Variants in PHIP observed in about 807,000 individuals in gnomAD.
The protein encoded by PHIP is PH-interacting protein.
Under a neutral mutation model 236.8 loss-of-function variants are expected in PHIP, and 54 were observed. That is an observed-to-expected ratio of 0.23 (90% confidence interval 0.18 to 0.29). The LOEUF is 0.29. Among genes scored for constraint, PHIP ranks in the 10% least tolerant of loss-of-function variants. The pLI is 1.00. For missense variants in PHIP, 1,370 were observed against 2,190.8 expected (o/e 0.63, Z 7.48); for synonymous variants, 756 against 718.9 (o/e 1.05, Z -0.83).
intron 23 of PHIP, 135 bp from the exon 24 acceptor site, chr6:78,978,846 G>A: frequency 1.7e-6 from 1 of 586,608 alleles, no homozygotes; most frequent in Non-Finnish European, 2.6e-6. Flanking sequence ...TATACAGTTG[G>A]CCCTGTGTAT....
intron 15 of PHIP, among the ~76,000 whole-genome samples, chr6:79,006,599 C>T (rs542769921): frequency 4.6e-5 from 7 of 151,940 alleles, no homozygotes; most frequent in Non-Finnish European, 8.8e-5. Context: ...GTATATAAGC[C>T]TATCATAAAA....
chr6:78,960,281 T>A (rs1766690390), intron 31 of PHIP, among the ~76,000 whole-genome samples: 1 of 152,156 alleles, frequency 6.6e-6, no homozygotes, highest in Non-Finnish European at 1.5e-5. Flanking sequence ...TTGGAAGACA[T>A]CAGCAGCTTA....
intron 9 of PHIP, 92 bp downstream of exon 9, chr6:79,025,427 A>C: frequency 1.4e-6 from 1 of 701,676 alleles, no homozygotes; most frequent in Non-Finnish European, 2.5e-6. Flanking sequence ...GAGAAAAAGT[A>C]AATGTATTCC....
At chr6:78,943,579 A>T (rs1773624450) in intron 39 of PHIP, among the ~76,000 whole-genome samples, 1 of 152,244 alleles carries the variant, frequency 6.6e-6, no homozygotes, top group African/African-American at 2.4e-5. Context: ...ATTAAAAATG[A>T]GTAAACACAT....
At chr6:79,025,430 T>C (rs1771350281) in intron 9 of PHIP, 89 bp downstream of exon 9, 4 of 716,638 alleles carry the variant, frequency 5.6e-6, no homozygotes, top group Admixed American at 4.7e-5. Flanking sequence ...AAAAAGTAAA[T>C]GTATTCCTAT....
At chr6:78,973,619 T>C (rs1341784769) in intron 24 of PHIP, among the ~76,000 whole-genome samples, 1 of 126,888 alleles carries the variant, frequency 7.9e-6, no homozygotes, top group Non-Finnish European at 1.6e-5. Context: ...CAGTGTGCTG[T>C]ATTCAGGAAA....
At chr6:78,960,096 G>T (rs1276826136) in intron 31 of PHIP, among the ~76,000 whole-genome samples, 2 of 152,008 alleles carry the variant, frequency 1.3e-5, no homozygotes, top group African/African-American at 4.8e-5. Flanking sequence ...TACATCACAA[G>T]CCCAGAAAAA....
chr6:79,023,608 T>C (rs887099415), intron 9 of PHIP, among the ~76,000 whole-genome samples: 3 of 151,872 alleles, frequency 2.0e-5, no homozygotes, highest in Non-Finnish European at 4.4e-5. Flanking sequence ...TATGGTAAAA[T>C]ATTAAGAAAA....
intron 13 of PHIP, 30 bp from the exon 14 acceptor site, chr6:79,015,813 T>A (rs1770809306): frequency 6.4e-7 from 1 of 1,562,140 alleles, no homozygotes; most frequent in Non-Finnish European, 8.7e-7. Context: ...TTACACTGAC[T>A]ATTAAAATAC....
chr6:78,956,037 C>T (rs1766396492), intron 32 of PHIP: 1 of 156,398 alleles, frequency 6.4e-6, no homozygotes, highest in African/African-American at 2.4e-5. Flanking sequence ...AAATTTTGTT[C>T]TTAACGCATC....
intron 4 of PHIP, among the ~76,000 whole-genome samples, chr6:79,069,419 A>C (rs1773783383): frequency 6.6e-6 from 1 of 151,932 alleles, no homozygotes; most frequent in African/African-American, 2.4e-5. Context: ...CAGAGTACTT[A>C]CTTTGTGCTG....
intron 6 of PHIP, among the ~76,000 whole-genome samples, chr6:79,053,922 C>T (rs1772929692): frequency 6.6e-6 from 1 of 151,980 alleles, no homozygotes; most frequent in Non-Finnish European, 1.5e-5. Flanking sequence ...CTATTAGTTA[C>T]AGAAGAAATT....
chr6:79,069,708 A>G (rs1773794833), intron 4 of PHIP, among the ~76,000 whole-genome samples: 1 of 152,126 alleles, frequency 6.6e-6, no homozygotes, highest in East Asian at 1.9e-4. Context: ...GTACAAGTCA[A>G]GTCCTCTAAC....
At chr6:79,052,931 A>G (rs1461869881) in intron 6 of PHIP, among the ~76,000 whole-genome samples, 1 of 152,216 alleles carries the variant, frequency 6.6e-6, no homozygotes, top group South Asian at 2.1e-4. Flanking sequence ...AGTTAAAAGC[A>G]TAAGATCTGA....
At chr6:79,077,647 G>A (rs1774247545) in intron 3 of PHIP, 53 bp downstream of exon 3, 1 of 931,224 alleles carries the variant, frequency 1.1e-6, no homozygotes, top group Non-Finnish European at 1.3e-6. Flanking sequence ...CGGCGCAGCG[G>A]CCCAGAGGCG....
rs140927271 is a variant in PHIP at position 79,056,878 on chromosome 6, A to G, written c.439+3600T>C. 1.2e-3 allele frequency among the ~76,000 whole-genome samples: 190 copies of G among 152,204 alleles called. 3 individuals carry two copies. In the East Asian group the frequency reaches 0.032, roughly 26 times the overall value. On this transcript the variant is annotated intron_variant, in intron 6 of 39. Transcript: ENST00000275034. ...TGCCAGATATAATTAGAGATATACA[A>G]TATTTACTCAGCGAGTGAATGAATA...
chr6:78,990,176 A>G (rs1459148739), intron 20 of PHIP, among the ~76,000 whole-genome samples: 2 of 152,164 alleles, frequency 1.3e-5, no homozygotes, highest in Non-Finnish European at 2.9e-5. Context: ...CTTGGACCTA[A>G]AAAGAAGTTT....
At position 79,016,608 on chromosome 6, in the gene PHIP, T is replaced by C. The variant is rs1191340911; in HGVS notation, c.1171A>G (p.Ile391Val). 6.2e-7 allele frequency: 1 copy of C among 1,611,944 alleles called. No individual in the cohort carries two copies. The highest frequency in any genetic ancestry group is 1.1e-5 in the South Asian group (1 of 90,972). The change falls in exon 13 of 40, where the codon ATT (isoleucine) becomes GTT (valine). Residue 391 changes from isoleucine to valine, a missense_variant. Physicochemically the swap from Ile to Val is conservative, Grantham distance 29. Around this residue, in one of 14 missense-constraint regions of PHIP, gnomAD observed 188 missense variants for 354.3 expected, o/e 0.53. Transcript: ENST00000275034. ...VSGSRDGTARIWQFKRREWKS... is the reference protein window; with the variant it reads ...VSGSRDGTARVWQFKRREWKS... ...CACTCTCTTCGTTTAAATTGCCAAA[T>C]ACGTGCTGTCCCATCACGACTGCCA...
chr6:78,990,749 C>G, intron 20 of PHIP, 119 bp downstream of exon 20: 1 of 518,728 alleles, frequency 1.9e-6, no homozygotes, highest in Non-Finnish European at 3.4e-6. Context: ...CCAAGATTTA[C>G]TATGTTAATT....
Sources: gnomAD v4.1 joint callset for allele counts (sites outside exome capture counted in the v4.1 genomes callset) on GRCh38, gnomAD v4.1.1 for gene constraint, gnomAD v4.1.1 regional missense constraint, MANE v1.5 for transcripts, NCBI Gene and HGNC (gene_info 2026-07-23, HGNC 2026-07-21) for gene names.